The following ADAMTS6 variants were observed in gnomAD, a reference collection of about 807,000 sequenced individuals.
ADAMTS6 encodes the protein A disintegrin and metalloproteinase with thrombospondin motifs 6.
Under a neutral mutation model 144.3 loss-of-function variants are expected in ADAMTS6, and 23 were observed. The observed-to-expected ratio is 0.16, with a 90% CI of 0.11 to 0.23. The LOEUF (loss-of-function observed/expected upper bound fraction) is 0.23. Ranked by LOEUF, ADAMTS6 falls within the 10% of genes least tolerant of loss-of-function variation. ADAMTS6 has a pLI of 1.00. For missense variants in ADAMTS6, 999 were observed against 1,379.6 expected (o/e 0.72, Z 4.37); for synonymous variants, 444 against 457.5 (o/e 0.97, Z 0.38).
chr5:65,372,340 G>T (rs1218972722), intron 7 of ADAMTS6, among the ~76,000 whole-genome samples: 1 of 151,898 alleles, frequency 6.6e-6, no homozygotes, highest in Non-Finnish European at 1.5e-5. Context: ...AGACCCATCA[G>T]TGTGCTGTAT....
intron 12 of ADAMTS6, among the ~76,000 whole-genome samples, chr5:65,273,052 C>T (rs1322159826): frequency 6.6e-6 from 1 of 151,994 alleles, no homozygotes; most frequent in African/African-American, 2.4e-5. Context: ...AAACAGACTA[C>T]ATTACATAAC....
At chr5:65,416,474 C>T (rs1287622523) in intron 7 of ADAMTS6, among the ~76,000 whole-genome samples, 1 of 152,078 alleles carries the variant, frequency 6.6e-6, no homozygotes, top group Non-Finnish European at 1.5e-5. Flanking sequence ...TATATGTCCA[C>T]ACAAAAACTT....
At chr5:65,319,813 A>G (rs1040430460) in intron 9 of ADAMTS6, among the ~76,000 whole-genome samples, 1 of 151,262 alleles carries the variant, frequency 6.6e-6, no homozygotes, top group Non-Finnish European at 1.5e-5. Context: ...AGCAAACAAT[A>G]GAGAATATCA....
At chr5:65,342,863 T>C (rs1037200256) in intron 7 of ADAMTS6, among the ~76,000 whole-genome samples, 16 of 152,004 alleles carry the variant, frequency 1.1e-4, no homozygotes, top group African/African-American at 3.9e-4. Flanking sequence ...AGTTACAGAA[T>C]ACAAAATTAA....
intron 9 of ADAMTS6, among the ~76,000 whole-genome samples, chr5:65,319,023 C>A (rs1247640115): frequency 1.3e-5 from 2 of 151,602 alleles, no homozygotes; most frequent in African/African-American, 4.8e-5. Context: ...TATGTAAACA[C>A]AAAAATTAAA....
intron 7 of ADAMTS6, among the ~76,000 whole-genome samples, chr5:65,433,439 C>T (rs1757148028): frequency 6.6e-6 from 1 of 152,080 alleles, no homozygotes; most frequent in Non-Finnish European, 1.5e-5. Flanking sequence ...ACAAAATCCA[C>T]TTATTTTCCA....
chr5:65,438,722 T>C (rs1757643026), intron 7 of ADAMTS6, among the ~76,000 whole-genome samples: 1 of 152,182 alleles, frequency 6.6e-6, no homozygotes, highest in African/African-American at 2.4e-5. Flanking sequence ...AGTATGTACT[T>C]TGGGGTTCAC....
intron 7 of ADAMTS6, among the ~76,000 whole-genome samples, chr5:65,338,188 T>G (rs1466509371): frequency 2.0e-5 from 3 of 152,248 alleles, no homozygotes; most frequent in Non-Finnish European, 4.4e-5. Flanking sequence ...TTTGGTTTTC[T>G]TTTCGTGAAA....
At chr5:65,466,948 A>C (rs1760065424) in intron 3 of ADAMTS6, among the ~76,000 whole-genome samples, 1 of 151,912 alleles carries the variant, frequency 6.6e-6, no homozygotes, top group Non-Finnish European at 1.5e-5. Context: ...AGGCTGACGC[A>C]GGAGAATGGC....
At chr5:65,269,502 T>G (rs1477575923) in intron 12 of ADAMTS6, among the ~76,000 whole-genome samples, 1 of 152,146 alleles carries the variant, frequency 6.6e-6, no homozygotes, top group Non-Finnish European at 1.5e-5. Context: ...TTGATTCCCG[T>G]GACAATGAAA....
intron 7 of ADAMTS6, among the ~76,000 whole-genome samples, chr5:65,397,381 T>C (rs1048612437): frequency 2.6e-5 from 4 of 152,174 alleles, no homozygotes; most frequent in Non-Finnish European, 5.9e-5. Flanking sequence ...CCCTCCTTTA[T>C]CTAGTTACCT....
At chr5:65,322,561 GTTTT>G (rs3049530) in intron 9 of ADAMTS6, among the ~76,000 whole-genome samples, 251 of 118,416 alleles carry the variant, frequency 2.1e-3, no homozygotes, top group African/African-American at 7.2e-3. Flanking sequence ...GTGGTATGTA[GTTTT>G]TTTTTTTTTT....
chr5:65,330,686 A>G (rs1032327158), intron 8 of ADAMTS6, among the ~76,000 whole-genome samples: 1 of 152,146 alleles, frequency 6.6e-6, no homozygotes, highest in African/African-American at 2.4e-5. Flanking sequence ...ATCAACAGCT[A>G]CATTGGAACA....
At chr5:65,439,440 C>A (rs1015491538) in intron 7 of ADAMTS6, among the ~76,000 whole-genome samples, 1 of 151,854 alleles carries the variant, frequency 6.6e-6, no homozygotes, top group Non-Finnish European at 1.5e-5. Context: ...TCTTATGATA[C>A]GAAGTATTTA....
At chr5:65,479,992 C>G (rs1561582405) in intron 1 of ADAMTS6, among the ~76,000 whole-genome samples, 2 of 152,296 alleles carry the variant, frequency 1.3e-5, no homozygotes, top group South Asian at 4.1e-4. Flanking sequence ...ACAGAATTAA[C>G]ATAAACCAGA....
intron 11 of ADAMTS6, among the ~76,000 whole-genome samples, chr5:65,279,695 T>TA (rs1412120607): frequency 6.6e-6 from 1 of 152,228 alleles, no homozygotes; most frequent in Non-Finnish European, 1.5e-5. Context: ...TCTTTGATTC[T>TA]AAAAAACTAT....
At chr5:65,455,265 G>A (rs1759093021) in intron 4 of ADAMTS6, among the ~76,000 whole-genome samples, 1 of 152,176 alleles carries the variant, frequency 6.6e-6, no homozygotes, top group African/African-American at 2.4e-5. Context: ...TATTCAGGTC[G>A]AGTGTGATGG....
At chr5:65,347,154 T>C (rs1748401378) in intron 7 of ADAMTS6, among the ~76,000 whole-genome samples, 1 of 151,648 alleles carries the variant, frequency 6.6e-6, no homozygotes, top group Admixed American at 6.6e-5. Flanking sequence ...ATAATCCCTA[T>C]CAAATTTCCA....
chr5:65,216,810 C>CACACACACACACACAG (rs1756957756), intron 18 of ADAMTS6, among the ~76,000 whole-genome samples: 1 of 148,482 alleles, frequency 6.7e-6, no homozygotes, highest in Non-Finnish European at 1.5e-5. Flanking sequence ...CACACACACA[C>CACACACACACACACAG]AGTTTAAAAG....
Sources: allele counts gnomAD v4.1 joint callset (sites outside exome capture counted in the v4.1 genomes callset), GRCh38; gene constraint gnomAD v4.1.1; transcripts MANE v1.5; gene names NCBI Gene and HGNC (gene_info 2026-07-23, HGNC 2026-07-21).